Variants in ITGA2B observed in about 807,000 individuals in gnomAD.
ITGA2B encodes the protein integrin alpha-IIb.
A neutral mutation model predicts 142.0 loss-of-function variants in ITGA2B; 91 were observed. The ratio of observed to expected loss-of-function variants is 0.64; its 90% CI spans 0.54 to 0.76. The LOEUF is 0.76. Among genes scored for constraint, ITGA2B ranks in the 30% least tolerant of loss-of-function variants. ITGA2B has a pLI of 0.00. For missense variants in ITGA2B, 1,231 were observed against 1,350.8 expected (o/e 0.91, Z 1.39); for synonymous variants, 536 against 567.2 (o/e 0.94, Z 0.78).
At chr17:44,384,039 C>A in intron 10 of ITGA2B, 46 bp downstream of exon 10, 1 of 1,613,814 alleles carries the variant, frequency 6.2e-7, no homozygotes, top group South Asian at 1.1e-5. Flanking sequence ...TCTGAAGTCT[C>A]AGTTCCCCCT....
rs1348372988 is a variant in ITGA2B, at chr17:44,383,577, G to C, written c.1126C>G (p.Leu376Val). The stretch of plus-strand genomic sequence containing the variant: ...TAGAGCTGTGTGCCAGTCAGCAGGA[G>C]GCTGGGGGCACCCAGCGCGTGGGGG... ...RGPHALGAPS[L>V]LLTGTQLYGR... The change falls in exon 12 of 30, where the codon CTC becomes GTC. Residue 376 changes from leucine (L) to valine (V), a missense_variant. Coordinates refer to ENST00000262407, the MANE Select transcript of ITGA2B (RefSeq NM_000419.5). 4 of 1,611,804 alleles carry C rather than the reference G, an allele frequency of 2.5e-6. No homozygotes were observed. The African/African-American group carries it at 5.3e-5, about 22-fold the overall frequency.
At chr17:44,372,851 C>G (rs2048508872) in intron 29 of ITGA2B, among the ~76,000 whole-genome samples, 1 of 151,982 alleles carries the variant, frequency 6.6e-6, no homozygotes, top group South Asian at 2.1e-4. Flanking sequence ...AAACTCCTGA[C>G]CTCAGGTGAT....
intron 27 of ITGA2B, 61 bp downstream of exon 27, chr17:44,374,937 C>G: frequency 7.1e-7 from 1 of 1,407,082 alleles, no homozygotes; most frequent in South Asian, 1.2e-5. Context: ...CCCCGCCCCT[C>G]CCAGAGCAAA....
chr17:44,378,268 G>A, intron 20 of ITGA2B, 94 bp downstream of exon 20: 1 of 1,446,934 alleles, frequency 6.9e-7, no homozygotes, highest in Non-Finnish European at 9.2e-7. Flanking sequence ...CAGCAAAGCA[G>A]AAGAGAAGAG....
intron 21 of ITGA2B, 84 bp from the exon 22 acceptor site, chr17:44,377,172 C>T (rs1001011632): frequency 7.3e-5 from 70 of 956,862 alleles, no homozygotes; most frequent in Non-Finnish European, 1.1e-4. Flanking sequence ...CAGTCTTCAC[C>T]CTCCAAGATC....
Position 44,377,441 on chromosome 17 carries a change from G to A in ITGA2B, c.2187+257C>T, listed in dbSNP as rs1478335953. On this transcript the variant is annotated intron_variant, in intron 21 of 29. Coordinates refer to ENST00000262407, the MANE Select transcript of ITGA2B (RefSeq NM_000419.5). ...GAACTCCTGACCTCGTGATCCACCC[G>A]TCTCGGCCTCCCAGAGTGCTGGGAT... Among the ~76,000 whole-genome samples, 13 of 151,938 alleles carry A rather than the reference G, an allele frequency of 8.6e-5. No homozygotes were observed. The East Asian group carries it at 9.7e-4, about 11-fold the overall frequency.
chr17:44,389,545 G>A lies in ITGA2B; in HGVS notation c.-72C>T. 6.5e-7 allele frequency: 1 copy of A among 1,534,366 alleles called. No homozygotes were observed. Among genetic ancestry groups the A allele is most frequent in the South Asian group, 1.1e-5 (1 of 87,278 alleles). ...TCCTTCCCTTCAGATTCCTCCACAG[G>A]AAGTCTTTTCTTATCAAACTGGAAC... On this transcript the variant is annotated 5_prime_UTR_variant, in exon 1 of 30. Coordinates refer to ENST00000262407, the MANE Select transcript of ITGA2B (RefSeq NM_000419.5).
At chr17:44,376,057 C>T in intron 24 of ITGA2B, 28 bp downstream of exon 24, 2 of 1,614,138 alleles carry the variant, frequency 1.2e-6, no homozygotes, top group Non-Finnish European at 1.7e-6. Context: ...CCGCTCACCC[C>T]AGCCAGGGAC....
intron 17 of ITGA2B, 27 bp downstream of exon 17, chr17:44,379,975 C>G (rs758268471): frequency 1.2e-6 from 2 of 1,612,886 alleles, no homozygotes; most frequent in South Asian, 2.2e-5. Context: ...ACTCTCCCAG[C>G]CCTGCCAATC....
chr17:44,386,960 T>TA (rs1290101376), intron 1 of ITGA2B, among the ~76,000 whole-genome samples: 6 of 152,216 alleles, frequency 3.9e-5, no homozygotes, highest in Admixed American at 2.0e-4. Flanking sequence ...CCTGGCTAAT[T>TA]AAAAAAAATT....
chr17:44,385,148 A>G lies in ITGA2B; in HGVS notation c.670+16T>C. Reference sequence around the variant, plus strand: ...GGGCCGCGAGAAGGGAGGGAGGTGTACGGATGGGCACGTACCTAAGAAATA... The same window carrying G: ...GGGCCGCGAGAAGGGAGGGAGGTGTGCGGATGGGCACGTACCTAAGAAATA... On this transcript the variant is annotated intron_variant, in intron 6 of 29. Transcript: ENST00000262407. 1 of 1,613,990 alleles carries G rather than the reference A, an allele frequency of 6.2e-7. No homozygotes were observed. Among genetic ancestry groups the G allele is most frequent in the South Asian group, 1.1e-5 (1 of 91,076 alleles).
chr17:44,378,071 A>G (rs2048560592), intron 20 of ITGA2B, among the ~76,000 whole-genome samples: 1 of 152,124 alleles, frequency 6.6e-6, no homozygotes, highest in South Asian at 2.1e-4. Context: ...TACTTATGTG[A>G]GTGTGAGTCA....
rs2048644740 is a variant in ITGA2B at position 44,385,934 on chromosome 17, A to AGAAG, written c.311-17_311-14dup. On this transcript the variant is annotated splice_polypyrimidine_tract_variant and intron_variant, in intron 2 of 29. Transcript: ENST00000262407. ...CGGGTCTCATCACCTGGAAGGCACA[A>AGAAG]GAAGGGGTGGGGCGCTGAAGCCCGG... 1 of 1,613,820 alleles carries AGAAG rather than the reference A, an allele frequency of 6.2e-7. No individual in the cohort carries two copies. Among genetic ancestry groups the AGAAG allele is most frequent in the South Asian group, 1.1e-5 (1 of 91,026 alleles).
chr17:44,375,484 G>T (rs79203039), intron 26 of ITGA2B, 107 bp downstream of exon 26: 3 of 1,379,792 alleles, frequency 2.2e-6, no homozygotes, highest in Non-Finnish European at 3.0e-6. Flanking sequence ...GGGACCAAGC[G>T]TGGCCCACAG....
At position 44,381,080 on chromosome 17, in the gene ITGA2B, A is replaced by G. The variant is rs982668560; in HGVS notation, c.1211-19T>C. ...GCAATGTCTGGAAGGAGTAACAGAA[A>G]GGAAGTGGCTGATTGTTATTCAGCC... On this transcript the variant is annotated intron_variant, in intron 12 of 29. Coordinates refer to ENST00000262407, the MANE Select transcript of ITGA2B (RefSeq NM_000419.5). The G allele has an allele frequency of 6.8e-6, 11 of 1,611,370 alleles. No individual in the cohort carries two copies. Among genetic ancestry groups the G allele is most frequent in the African/African-American group, 2.7e-5 (2 of 74,868 alleles).
In ITGA2B at chr17:44,376,324, G is replaced by T. The variant is rs1366105278; in HGVS notation, c.2332C>A (p.Gln778Lys). 6.2e-7 allele frequency: 1 copy of T among 1,614,160 alleles called. No individual in the cohort carries two copies. The highest frequency in any genetic ancestry group is 8.5e-7 in the Non-Finnish European group (1 of 1,180,034). Residue 778 changes from glutamine to lysine, a missense_variant, in exon 23 of 30, where the codon CAA becomes AAA. Physicochemically the swap from Gln to Lys is moderately conservative, Grantham distance 53. Coordinates refer to ENST00000262407, the MANE Select transcript of ITGA2B (RefSeq NM_000419.5). ...GCCTCTCACCCTCGCAGCTCCACTT[G>T]GGCCTCTGCCCGGACCGGCACGTCC... ...LLDVPVRAEAQVELRGNSFPA... is the reference protein window; with the variant it reads ...LLDVPVRAEAKVELRGNSFPA...
intron 1 of ITGA2B, among the ~76,000 whole-genome samples, chr17:44,387,358 A>G (rs941031767): frequency 4.0e-5 from 6 of 151,780 alleles, no homozygotes; most frequent in Admixed American, 3.9e-4. Context: ...CCCTGTCTCT[A>G]CTAAAAATAC....
At chr17:44,387,433 G>A (rs1259467502) in intron 1 of ITGA2B, among the ~76,000 whole-genome samples, 1 of 152,070 alleles carries the variant, frequency 6.6e-6, no homozygotes, top group East Asian at 1.9e-4. Context: ...TGAGACAGGA[G>A]AATCGTTTGA....
chr17:44,377,658 C>T, intron 21 of ITGA2B, 40 bp downstream of exon 21: 2 of 568,038 alleles, frequency 3.5e-6, no homozygotes, highest in Non-Finnish European at 2.4e-6. Flanking sequence ...TATTCATGAG[C>T]CCCTGGTGGA....
Sources: allele counts gnomAD v4.1 joint callset (sites outside exome capture counted in the v4.1 genomes callset), GRCh38; gene constraint gnomAD v4.1.1; transcripts MANE v1.5; gene names NCBI Gene and HGNC (gene_info 2026-07-23, HGNC 2026-07-21).